Variants in EPHB1 observed in about 807,000 individuals in gnomAD.
EPHB1 encodes the protein EPH receptor B1, also known as ephrin type-B receptor 1.
In EPHB1, 30 loss-of-function variants were observed where a neutral mutation model predicts 94.4. The ratio of observed to expected loss-of-function variants is 0.32; its 90% CI spans 0.24 to 0.43. The LOEUF (loss-of-function observed/expected upper bound fraction) is 0.43, where lower values mean the gene tolerates loss of function less well. Among genes scored for constraint, EPHB1 ranks in the 20% least tolerant of loss-of-function variants. The pLI is 1.00. For missense variants in EPHB1, 1,055 were observed against 1,308.3 expected (o/e 0.81, Z 2.99); for synonymous variants, 522 against 489.1 (o/e 1.07, Z -0.89).
At chr3:134,890,548 G>T (rs575867336) in intron 1 of EPHB1, among the ~76,000 whole-genome samples, 2 of 152,334 alleles carry the variant, frequency 1.3e-5, no homozygotes, top group East Asian at 3.9e-4. Flanking sequence ...TGCTGGGAAT[G>T]GAATTGCTTG....
chr3:134,950,796 A>C (rs1321162774), intron 2 of EPHB1, among the ~76,000 whole-genome samples: 2 of 152,250 alleles, frequency 1.3e-5, no homozygotes, highest in African/African-American at 4.8e-5. Flanking sequence ...AAAAACATCC[A>C]AACCATATCA....
intron 1 of EPHB1, among the ~76,000 whole-genome samples, chr3:134,868,234 T>C (rs2108306487): frequency 6.6e-6 from 1 of 152,360 alleles, no homozygotes; most frequent in Non-Finnish European, 1.5e-5. Flanking sequence ...TAACTTAAAA[T>C]GCATAACTGA....
intron 1 of EPHB1, among the ~76,000 whole-genome samples, chr3:134,819,644 G>T (rs1051460083): frequency 2.0e-5 from 3 of 152,160 alleles, no homozygotes; most frequent in Non-Finnish European, 4.4e-5. Flanking sequence ...GTGGGGTTCT[G>T]CTTGGAGCAG....
chr3:134,937,290 A>T (rs1330613816), intron 2 of EPHB1, among the ~76,000 whole-genome samples: 1 of 152,232 alleles, frequency 6.6e-6, no homozygotes, highest in Non-Finnish European at 1.5e-5. Flanking sequence ...AGTGGATCAC[A>T]CATGGTGGCC....
chr3:134,802,957 G>A (rs2035962121), intron 1 of EPHB1, among the ~76,000 whole-genome samples: 1 of 152,102 alleles, frequency 6.6e-6, no homozygotes, highest in Non-Finnish European at 1.5e-5. Flanking sequence ...TGATCTGCTT[G>A]CGAAAAGAGG....
intron 3 of EPHB1, among the ~76,000 whole-genome samples, chr3:135,095,982 TGTCTTCCTCC>T (rs1337110640): frequency 6.6e-6 from 1 of 152,242 alleles, no homozygotes; most frequent in Non-Finnish European, 1.5e-5. Flanking sequence ...GCTCAAAGTC[TGTCTTCCTCC>T]ACCAGGATGT....
At chr3:135,256,859 A>C (rs1480625501) in intron 15 of EPHB1, among the ~76,000 whole-genome samples, 1 of 150,942 alleles carries the variant, frequency 6.6e-6, no homozygotes, top group African/African-American at 2.4e-5. Flanking sequence ...TACACCAATC[A>C]GACGTAGATT....
chr3:135,193,997 A>C (rs139538300), intron 11 of EPHB1, among the ~76,000 whole-genome samples: 1 of 152,318 alleles, frequency 6.6e-6, no homozygotes, highest in East Asian at 1.9e-4. Flanking sequence ...TTAGGTGGTC[A>C]GTGCCATCTT....
chr3:134,947,898 C>T (rs781190954), intron 2 of EPHB1, among the ~76,000 whole-genome samples: 4 of 152,102 alleles, frequency 2.6e-5, no homozygotes, highest in South Asian at 4.2e-4. Context: ...TCAAGCAATC[C>T]GCCCACTTCA....
At chr3:135,217,897 G>A (rs1005866079) in intron 12 of EPHB1, among the ~76,000 whole-genome samples, 1 of 152,114 alleles carries the variant, frequency 6.6e-6, no homozygotes, top group Non-Finnish European at 1.5e-5. Flanking sequence ...TTTGGCTAAG[G>A]CTATGACCTT....
intron 15 of EPHB1, among the ~76,000 whole-genome samples, chr3:135,257,917 G>A (rs1490862912): frequency 6.6e-6 from 1 of 152,168 alleles, no homozygotes; most frequent in Non-Finnish European, 1.5e-5. Flanking sequence ...ATCTCGTGGT[G>A]CGCCGTGTTT....
rs1374292666 is a variant in EPHB1 at position 135,131,351 on chromosome 3, G to A, written c.962-1363G>A. Among the ~76,000 whole-genome samples, 10 of 152,222 alleles carry A rather than the reference G, an allele frequency of 6.6e-5. No individual in the cohort carries two copies. The South Asian group carries it at 1.0e-3, about 16-fold the overall frequency. On this transcript the variant is annotated intron_variant, in intron 4 of 15. Transcript: ENST00000398015. ...ACAGAATCCTTCCCTGGTGCCCCCC[G>A]ACCTTATTGTTATTCCCTCATTTTT...
chr3:134,996,135 A>G (rs1934987637), intron 3 of EPHB1, among the ~76,000 whole-genome samples: 1 of 152,198 alleles, frequency 6.6e-6, no homozygotes, highest in African/African-American at 2.4e-5. Flanking sequence ...AATCAACAAT[A>G]TCTACTAATT....
chr3:134,938,763 C>A (rs1222367929), intron 2 of EPHB1, among the ~76,000 whole-genome samples: 1 of 152,146 alleles, frequency 6.6e-6, no homozygotes, highest in Admixed American at 6.5e-5. Context: ...AAGCTTAAGT[C>A]ATGTTTAATC....
chr3:135,125,444 G>A (rs976561131), intron 4 of EPHB1, among the ~76,000 whole-genome samples: 5 of 148,180 alleles, frequency 3.4e-5, no homozygotes, highest in African/African-American at 5.3e-5. Context: ...CCTCTATGAT[G>A]CTGGTCATTC....
chr3:134,960,648 A>T (rs908443834), intron 3 of EPHB1, among the ~76,000 whole-genome samples: 3 of 152,102 alleles, frequency 2.0e-5, no homozygotes, highest in Non-Finnish European at 4.4e-5. Flanking sequence ...TTGTGTATGT[A>T]TGACCAGGGA....
intron 1 of EPHB1, among the ~76,000 whole-genome samples, chr3:134,870,400 C>G (rs2037474013): frequency 6.6e-6 from 1 of 152,220 alleles, no homozygotes; most frequent in Non-Finnish European, 1.5e-5. Flanking sequence ...ATACCATCCT[C>G]TAGCCCCAGA....
chr3:134,932,298 C>T (rs1027006894), intron 2 of EPHB1, among the ~76,000 whole-genome samples: 8 of 152,110 alleles, frequency 5.3e-5, no homozygotes, highest in African/African-American at 9.7e-5. Flanking sequence ...TTTATGTGTG[C>T]GCTGTCTAGG....
chr3:135,214,953 G>A (rs368277929), intron 12 of EPHB1, among the ~76,000 whole-genome samples: 17 of 152,196 alleles, frequency 1.1e-4, no homozygotes, highest in African/African-American at 4.1e-4. Context: ...ATGAACTTGG[G>A]CCTAGTTCTC....
Sources: gnomAD v4.1 joint callset for allele counts (sites outside exome capture counted in the v4.1 genomes callset) on GRCh38, gnomAD v4.1.1 for gene constraint, MANE v1.5 for transcripts, NCBI Gene and HGNC (gene_info 2026-07-23, HGNC 2026-07-21) for gene names.